The following SDK1 variants were observed in gnomAD, a reference collection of about 807,000 sequenced individuals.
SDK1 encodes protein sidekick-1.
In SDK1, 157 loss-of-function variants were observed where a neutral mutation model predicts 245.5. That is an observed-to-expected ratio of 0.64 (90% CI 0.56 to 0.73). The LOEUF is 0.73. SDK1 is among the 30% of genes least tolerant of loss of function. The pLI is 0.00. For missense variants in SDK1, 3,583 were observed against 3,002.3 expected (o/e 1.19, Z -4.52); for synonymous variants, 1,647 against 1,278.5 (o/e 1.29, Z -6.15).
At chr7:4,079,646 G>T in intron 22 of SDK1, 62 bp downstream of exon 22, 1 of 1,600,192 alleles carries the variant, frequency 6.2e-7, no homozygotes, top group Non-Finnish European at 8.5e-7. Context: ...GCCTGTGAAT[G>T]AGTGGTACCC....
intron 14 of SDK1, among the ~76,000 whole-genome samples, chr7:4,007,839 C>T (rs550796314): frequency 3.2e-4 from 48 of 152,146 alleles, no homozygotes; most frequent in African/African-American, 9.2e-4. Context: ...CTCCTGACCT[C>T]GTGATCCACC....
chr7:4,199,368 A>G (rs1381900930), intron 35 of SDK1, among the ~76,000 whole-genome samples: 6 of 152,210 alleles, frequency 3.9e-5, no homozygotes, highest in Non-Finnish European at 7.3e-5. Context: ...TTTGTTTATC[A>G]TAACAGTGGG....
chr7:4,213,411 CAAA>C (rs546174942), intron 38 of SDK1, among the ~76,000 whole-genome samples: 2 of 136,354 alleles, frequency 1.5e-5, no homozygotes, highest in Non-Finnish European at 1.6e-5. Context: ...GACTCCGTCT[CAAA>C]AAAAAAAAAA....
At chr7:3,880,784 GGCT>G (rs1214436889) in intron 5 of SDK1, among the ~76,000 whole-genome samples, 1 of 152,116 alleles carries the variant, frequency 6.6e-6, no homozygotes, top group Non-Finnish European at 1.5e-5. Context: ...GGCCTCCAGA[GGCT>G]GCGGCTCGCA....
chr7:3,561,478 A>T (rs1779748719), intron 1 of SDK1, among the ~76,000 whole-genome samples: 1 of 152,188 alleles, frequency 6.6e-6, no homozygotes, highest in South Asian at 2.1e-4. Context: ...GATCTCTGAG[A>T]ACATAAGCTT....
In SDK1 at chr7:3,735,151, A is replaced by T. The variant is rs549134701; in HGVS notation, c.714-86299A>T. ...ATAGCAGCTTGTTTCTTCTCAACTT[A>T]AAAAAAAAAATTAATTGTGGTAGAA... On this transcript the variant is annotated intron_variant, in intron 4 of 44. Transcript: ENST00000404826. 2.3e-5 allele frequency among the ~76,000 whole-genome samples: 3 copies of T among 129,302 alleles called. No individual in the cohort carries two copies. The East Asian group carries it at 5.9e-4, about 25-fold the overall frequency. The allele number at this position is 129,302 out of a possible 152,430, so 84.8% of individuals were successfully genotyped here.
intron 32 of SDK1, among the ~76,000 whole-genome samples, chr7:4,168,702 A>T (rs1781647753): frequency 6.6e-6 from 1 of 152,178 alleles, no homozygotes; most frequent in Non-Finnish European, 1.5e-5. Flanking sequence ...CTGAGGTACC[A>T]GTTCCTCGAG....
chr7:3,683,831 C>T lies in SDK1; in HGVS notation c.713+41726C>T, dbSNP rs182966243. Among the ~76,000 whole-genome samples, 637 of 152,316 alleles carry T rather than the reference C, an allele frequency of 4.2e-3. 6 individuals are homozygous for T. The highest frequency in any genetic ancestry group is 0.015 in the African/African-American group (607 of 41,568). ...CCTCTAATCTGGAACTAGCAATGGA[C>T]ACAGACACAAAATGCTCCAAGAACA... is the stretch of plus-strand genomic sequence containing the variant. On this transcript the variant is annotated intron_variant, in intron 4 of 44. Transcript: ENST00000404826.
intron 4 of SDK1, among the ~76,000 whole-genome samples, chr7:3,762,236 C>G (rs773813899): frequency 6.6e-6 from 1 of 151,242 alleles, no homozygotes; most frequent in Non-Finnish European, 1.5e-5. Flanking sequence ...ATGGGACATT[C>G]TGGGTCTCCT....
intron 34 of SDK1, 89 bp downstream of exon 34, chr7:4,175,923 G>A (rs758238768): frequency 8.8e-7 from 1 of 1,141,414 alleles, no homozygotes; most frequent in African/African-American, 1.5e-5. Context: ...GGGAAAACCA[G>A]CCTGGATTAA....
intron 1 of SDK1, among the ~76,000 whole-genome samples, chr7:3,589,258 G>A (rs1421500589): frequency 1.3e-5 from 2 of 152,158 alleles, no homozygotes; most frequent in African/African-American, 2.4e-5. Context: ...CACAGGTGGT[G>A]TTGGCCTTTT....
rs547423799 is a variant in SDK1, at chr7:3,806,190, C to T, written c.714-15260C>T. Among the ~76,000 whole-genome samples, 38 of 152,352 alleles carry T rather than the reference C, an allele frequency of 2.5e-4. No individual in the cohort carries two copies. The South Asian group carries it at 7.3e-3, about 29-fold the overall frequency. The stretch of plus-strand genomic sequence containing the variant: ...TGGGACTTTGTCTCACATGGACTCA[C>T]CCAAATAATCCAAGACAATCTTCCC... On this transcript the variant is annotated intron_variant, in intron 4 of 44. Coordinates refer to ENST00000404826, the MANE Select transcript of SDK1 (RefSeq NM_152744.4).
At chr7:3,307,300 T>C (rs1022640382) in intron 1 of SDK1, among the ~76,000 whole-genome samples, 1 of 152,106 alleles carries the variant, frequency 6.6e-6, no homozygotes, top group Non-Finnish European at 1.5e-5. Context: ...ATTTTGTCAG[T>C]TGGGACAGCA....
chr7:3,886,918 A>G (rs1201060888), intron 5 of SDK1, among the ~76,000 whole-genome samples: 3 of 152,196 alleles, frequency 2.0e-5, no homozygotes, highest in Non-Finnish European at 4.4e-5. Context: ...CTCAATTTAA[A>G]AAACTTGGCT....
intron 33 of SDK1, among the ~76,000 whole-genome samples, chr7:4,174,636 C>T (rs564264939): frequency 3.3e-5 from 5 of 152,220 alleles, no homozygotes; most frequent in East Asian, 1.9e-4. Flanking sequence ...TGCACTCTAC[C>T]GGCGTCAGTG....
chr7:4,114,117 C>T lies in SDK1; in HGVS notation c.3666C>T (p.Ser1222=). 6.2e-7 allele frequency: 1 copy of T among 1,614,230 alleles called. No homozygotes were observed. Among genetic ancestry groups the T allele is most frequent in the Non-Finnish European group, 8.5e-7 (1 of 1,180,048 alleles). Residue 1222 remains serine, a synonymous_variant, in exon 25 of 45, where the codon TCC becomes TCT. Coordinates refer to ENST00000404826, the MANE Select transcript of SDK1 (RefSeq NM_152744.4). The stretch of plus-strand genomic sequence containing the variant: ...AGTACTGGCGCTCAGACCTCCAGTC[C>T]TCAGCAGTGGCCCAAGTCGTCAGTG... ...RIKYWRSDLQ[S]SAVAQVVSDR... is the part of the protein sequence containing the mutation.
intron 43 of SDK1, among the ~76,000 whole-genome samples, chr7:4,242,568 A>G (rs966393283): frequency 2.0e-5 from 3 of 152,014 alleles, no homozygotes; most frequent in Non-Finnish European, 4.4e-5. Context: ...AGGAATGGGG[A>G]GGGGTCTTGA....
At chr7:4,017,944 C>T (rs1038342829) in intron 17 of SDK1, among the ~76,000 whole-genome samples, 2 of 152,124 alleles carry the variant, frequency 1.3e-5, no homozygotes, top group Admixed American at 6.5e-5. Flanking sequence ...CCGGGTGCGG[C>T]GTGGCAGGCT....
At chr7:3,452,250 T>C (rs1414602649) in intron 1 of SDK1, among the ~76,000 whole-genome samples, 1 of 152,154 alleles carries the variant, frequency 6.6e-6, no homozygotes, top group Non-Finnish European at 1.5e-5. Context: ...TCAAGGACTC[T>C]AGGATGGTGC....
Sources: allele counts gnomAD v4.1 joint callset (sites outside exome capture counted in the v4.1 genomes callset), GRCh38; gene constraint gnomAD v4.1.1; transcripts MANE v1.5; gene names NCBI Gene and HGNC (gene_info 2026-07-23, HGNC 2026-07-21).